The following FNDC3A variants were observed in gnomAD, a reference collection of about 807,000 sequenced individuals.
FNDC3A encodes fibronectin type-III domain-containing protein 3A.
A neutral mutation model predicts 148.9 loss-of-function variants in FNDC3A; 32 were observed. That is an observed-to-expected ratio of 0.21 (90% CI 0.16 to 0.29). The LOEUF (loss-of-function observed/expected upper bound fraction) is 0.29, where lower values mean the gene tolerates loss of function less well. Among genes scored for constraint, FNDC3A ranks in the 10% least tolerant of loss-of-function variants. The pLI, the probability that FNDC3A is intolerant of heterozygous loss-of-function variation, is 1.00. For synonymous variants in FNDC3A, 472 were observed against 473.6 expected (o/e 1.00, Z 0.04); for missense variants, 1,191 against 1,452.8 (o/e 0.82, Z 2.93).
chr13:49,025,623 T>TAGTCATAA (rs1873651069), intron 2 of FNDC3A, among the ~76,000 whole-genome samples: 1 of 152,084 alleles, frequency 6.6e-6, no homozygotes, highest in South Asian at 2.1e-4. Context: ...AATTTAACAT[T>TAGTCATAA]AGTCATAAAG....
chr13:49,196,964 G>T lies in FNDC3A; in HGVS notation c.2314G>T (p.Ala772Ser), dbSNP rs1193211563. 6.2e-7 allele frequency: 1 copy of T among 1,609,956 alleles called. No homozygotes were observed. Among genetic ancestry groups the T allele is most frequent in the Non-Finnish European group, 8.5e-7 (1 of 1,177,550 alleles). Residue 772 changes from alanine (A) to serine (S), a missense_variant, in exon 20 of 26, where the codon GCA (alanine) becomes TCA (serine). Coordinates refer to ENST00000492622, the MANE Select transcript of FNDC3A (RefSeq NM_001079673.2). ...GCCCCCTCAAGTGACATGTAGATCT[G>T]CAACTTGTGCACAAGTGAATTGGGA... Reference protein sequence around the residue: ...CKPPQVTCRSATCAQVNWEVP... With the variant: ...CKPPQVTCRSSTCAQVNWEVP...
At chr13:49,064,411 C>CAA (rs1555286178) in intron 2 of FNDC3A, among the ~76,000 whole-genome samples, 63 of 90,044 alleles carry the variant, frequency 7.0e-4, no homozygotes, top group Middle Eastern at 5.3e-3. Context: ...GCCCCCCCCC[C>CAA]AAAAAAAAAA....
At chr13:49,159,228 G>A (rs201155864) in intron 8 of FNDC3A, among the ~76,000 whole-genome samples, 24 of 152,194 alleles carry the variant, frequency 1.6e-4, no homozygotes, top group South Asian at 6.2e-4. Flanking sequence ...CCATTTTCAC[G>A]ATATTGATTC....
chr13:49,045,064 T>TCCTTTCCCTTTC (rs956486559), intron 2 of FNDC3A: 7 of 186,850 alleles, frequency 3.7e-5, no homozygotes, highest in Admixed American at 2.2e-4. Context: ...CTTTCCCTTT[T>TCCTTTCCCTTTC]CCTTTCCCTT....
chr13:49,041,704 G>T (rs940276287), intron 2 of FNDC3A, among the ~76,000 whole-genome samples: 11 of 151,782 alleles, frequency 7.2e-5, no homozygotes, highest in Admixed American at 7.2e-4. Flanking sequence ...CCAGCTACTC[G>T]GGAGGGTAAG....
In FNDC3A at chr13:49,114,871, A is replaced by G. The variant is rs527774625; in HGVS notation, c.252+140A>G. ...TGTGTATCTATCATAAATCTATTTC[A>G]AGTATTTTAGTACATTTGGAAAGGA... On this transcript the variant is annotated intron_variant, in intron 4 of 25. Transcript: ENST00000492622. 5.7e-5 allele frequency: 39 copies of G among 681,580 alleles called. No individual in the cohort carries two copies. In the African/African-American group the frequency reaches 7.0e-4, roughly 12 times the overall value. 42.2% of individuals were successfully genotyped at this position (681,580 alleles called of 1,614,324 possible).
chr13:49,097,413 C>T (rs1460053117), intron 3 of FNDC3A, among the ~76,000 whole-genome samples: 3 of 151,670 alleles, frequency 2.0e-5, no homozygotes, highest in Admixed American at 1.3e-4. Context: ...TGAGGAAACG[C>T]CACCAAAGCA....
At chr13:49,029,391 C>T (rs1338687876) in intron 2 of FNDC3A, among the ~76,000 whole-genome samples, 1 of 152,040 alleles carries the variant, frequency 6.6e-6, no homozygotes, top group Non-Finnish European at 1.5e-5. Context: ...CATGATACAA[C>T]ATACTAAAAT....
chr13:49,054,970 A>G (rs1876118198), intron 2 of FNDC3A, among the ~76,000 whole-genome samples: 1 of 151,920 alleles, frequency 6.6e-6, no homozygotes, highest in Non-Finnish European at 1.5e-5. Context: ...TACCTGAGAT[A>G]TCTTCATTTC....
In FNDC3A at chr13:49,172,069, C is replaced by A; in HGVS notation, c.1203C>A (p.Ile401=). The change falls in exon 11 of 26, where the codon ATC becomes ATA. Residue 401 remains isoleucine, a synonymous_variant. Transcript: ENST00000492622. ...WKAPSDNGSK[I]QNFVLEWDEG... is the part of the protein sequence containing the mutation. ...CACCTAGTGACAATGGTTCTAAAAT[C>A]CAAAACTTTGTATTAGAATGGGATG... 1 of 1,605,592 alleles carries A rather than the reference C, an allele frequency of 6.2e-7. No homozygotes were observed. Among genetic ancestry groups the A allele is most frequent in the South Asian group, 1.1e-5 (1 of 89,496 alleles).
intron 2 of FNDC3A, among the ~76,000 whole-genome samples, chr13:49,013,092 G>A (rs1221325612): frequency 6.6e-6 from 1 of 152,140 alleles, no homozygotes; most frequent in Non-Finnish European, 1.5e-5. Flanking sequence ...GAGGCAGGCA[G>A]ATTGCTTGAA....
chr13:48,986,159 G>T (rs750678464), intron 1 of FNDC3A, among the ~76,000 whole-genome samples: 2 of 152,084 alleles, frequency 1.3e-5, no homozygotes, highest in African/African-American at 4.8e-5. Flanking sequence ...TGCCAACCAA[G>T]ACAAAATAAA....
chr13:49,131,519 G>T, intron 5 of FNDC3A, 145 bp downstream of exon 5: 1 of 665,840 alleles, frequency 1.5e-6, no homozygotes, highest in Non-Finnish European at 2.7e-6. Flanking sequence ...TACTATATTA[G>T]GTGCTTCATC....
chr13:49,188,724 ATCC>A, intron 17 of FNDC3A, 91 bp downstream of exon 17: 1 of 795,878 alleles, frequency 1.3e-6, no homozygotes, highest in Non-Finnish European at 2.2e-6. Flanking sequence ...ATTGAAACAT[ATCC>A]ACAAATGGAG....
rs115609546 is a variant in FNDC3A at position 49,130,586 on chromosome 13, T to C, written c.253-551T>C. 1.6e-3 allele frequency among the ~76,000 whole-genome samples: 237 copies of C among 152,288 alleles called. 2 individuals are homozygous for C. Among genetic ancestry groups the C allele is most frequent in the African/African-American group, 5.2e-3 (217 of 41,548 alleles). On this transcript the variant is annotated intron_variant, in intron 4 of 25. Transcript: ENST00000492622. ...GATAAATATCTAGTATCATAACTTA[T>C]TAGGTTACTCTTTAGCTTGTCTAAT...
chr13:49,205,239 T>C (rs1593755199), intron 25 of FNDC3A, among the ~76,000 whole-genome samples: 2 of 152,348 alleles, frequency 1.3e-5, no homozygotes, highest in East Asian at 3.9e-4. Flanking sequence ...GTTGAGGTTT[T>C]TCTTTCTTAA....
intron 2 of FNDC3A, among the ~76,000 whole-genome samples, chr13:49,066,538 T>A (rs1877274845): frequency 1.3e-5 from 2 of 152,198 alleles, no homozygotes; most frequent in South Asian, 4.1e-4. Flanking sequence ...TCAACAGCCC[T>A]GTGGCAAAAT....
intron 1 of FNDC3A, among the ~76,000 whole-genome samples, chr13:48,979,742 C>T (rs1328367369): frequency 2.0e-5 from 3 of 151,920 alleles, no homozygotes; most frequent in Non-Finnish European, 2.9e-5. Flanking sequence ...GGTCGGCCAA[C>T]TTTTTGTGTA....
intron 8 of FNDC3A, among the ~76,000 whole-genome samples, chr13:49,166,299 C>T (rs1884457625): frequency 6.6e-6 from 1 of 152,190 alleles, no homozygotes; most frequent in Admixed American, 6.5e-5. Context: ...AGCAGCTTCA[C>T]TGCTGGGGGC....
Sources: gnomAD v4.1 joint callset for allele counts (sites outside exome capture counted in the v4.1 genomes callset) on GRCh38, gnomAD v4.1.1 for gene constraint, MANE v1.5 for transcripts, NCBI Gene and HGNC (gene_info 2026-07-23, HGNC 2026-07-21) for gene names.